The following HEXB variants were observed in gnomAD, a reference collection of about 807,000 sequenced individuals.
HEXB encodes the protein hexosaminidase subunit beta.
In HEXB, 51 loss-of-function variants were observed where a neutral mutation model predicts 71.2. The ratio of observed to expected loss-of-function variants is 0.72; its 90% CI spans 0.57 to 0.90. The LOEUF is 0.90. Among genes scored for constraint, HEXB ranks in the 40% least tolerant of loss-of-function variants. The pLI, the probability that HEXB is intolerant of heterozygous loss-of-function variation, is 0.00. For synonymous variants in HEXB, 266 were observed against 249.3 expected, an observed-to-expected ratio of 1.07 and a Z score of -0.63; for missense variants, 617 against 677.0, an observed-to-expected ratio of 0.91 and a Z score of 0.98.
At chr5:74,648,289 T>G (rs1748037736) in intron 1 of HEXB, among the ~76,000 whole-genome samples, 1 of 152,234 alleles carries the variant, frequency 6.6e-6, no homozygotes, top group African/African-American at 2.4e-5. Flanking sequence ...ATTAGATTAT[T>G]GTAAGAGATG....
At chr5:74,659,265 G>A (rs906635995) in intron 1 of HEXB, among the ~76,000 whole-genome samples, 1 of 152,112 alleles carries the variant, frequency 6.6e-6, no homozygotes, top group East Asian at 1.9e-4. Flanking sequence ...AGCGTTCATG[G>A]CAAAACTAAG....
chr5:74,695,237 T>C (rs1749087663), intron 3 of HEXB, among the ~76,000 whole-genome samples: 1 of 136,300 alleles, frequency 7.3e-6, no homozygotes, highest in South Asian at 2.7e-4. Context: ...AGAATCTTGC[T>C]CTGTTGCCCA....
chr5:74,665,784 G>A (rs820856), intron 1 of HEXB, among the ~76,000 whole-genome samples: 10 of 151,942 alleles, frequency 6.6e-5, no homozygotes. Flanking sequence ...CCAGTTCCCT[G>A]TGAGTGTCCA....
intron 1 of HEXB, among the ~76,000 whole-genome samples, chr5:74,674,005 C>T (rs1294141330): frequency 6.6e-6 from 1 of 151,964 alleles, no homozygotes; most frequent in East Asian, 1.9e-4. Context: ...GATGAACCAC[C>T]CAGAAACACC....
intron 6 of HEXB, among the ~76,000 whole-genome samples, chr5:74,710,028 A>G (rs1479857043): frequency 6.6e-6 from 1 of 152,156 alleles, no homozygotes; most frequent in East Asian, 1.9e-4. Context: ...CATTGATGCA[A>G]AAATCCTCAA....
chr5:74,717,867 A>G (rs1749715268), intron 9 of HEXB, among the ~76,000 whole-genome samples: 1 of 152,156 alleles, frequency 6.6e-6, no homozygotes, highest in African/African-American at 2.4e-5. Flanking sequence ...TTATGTAAAT[A>G]TCTGTAAATA....
At chr5:74,649,825 C>T (rs1353123190) in intron 1 of HEXB, among the ~76,000 whole-genome samples, 1 of 152,168 alleles carries the variant, frequency 6.6e-6, no homozygotes, top group East Asian at 1.9e-4. Flanking sequence ...ATTGTTACAT[C>T]AGTTCACAAG....
chr5:74,649,753 C>G lies in HEXB; in HGVS notation c.-377+9195C>G, dbSNP rs1474105541. ...TTTTAATCCACTTGTACTCTTTTAC[C>G]ATAGTTGATTGAATGTCTTACCAGA... On this transcript the variant is annotated intron_variant, in intron 1 of 13. Transcript: ENST00000511181. Among the ~76,000 whole-genome samples, 4 of 152,164 alleles carry G rather than the reference C, an allele frequency of 2.6e-5. No homozygotes were observed. In the East Asian group the frequency reaches 5.8e-4, roughly 22 times the overall value.
At chr5:74,710,239 C>T (rs978252578) in intron 6 of HEXB, among the ~76,000 whole-genome samples, 6 of 151,684 alleles carry the variant, frequency 4.0e-5, no homozygotes, top group African/African-American at 9.7e-5. Flanking sequence ...ATTCAACAAC[C>T]CTTCATGCTA....
intron 10 of HEXB, 23 bp downstream of exon 10, chr5:74,718,386 CTGATCAATA>C: frequency 6.6e-7 from 1 of 1,512,834 alleles, no homozygotes; most frequent in African/African-American, 1.4e-5. Context: ...AAGACTGCAT[CTGATCAATA>C]TAAGAGACTT....
intron 1 of HEXB, among the ~76,000 whole-genome samples, chr5:74,670,079 C>T (rs1033863349): frequency 6.6e-6 from 1 of 152,120 alleles, no homozygotes; most frequent in African/African-American, 2.4e-5. Context: ...ACTAGTCTTG[C>T]ATAAATCCAT....
intron 6 of HEXB, among the ~76,000 whole-genome samples, chr5:74,709,125 A>G (rs950316821): frequency 2.0e-5 from 3 of 152,256 alleles, no homozygotes; most frequent in Non-Finnish European, 2.9e-5. Context: ...GCTAGAACTC[A>G]GGATTAAGGA....
At chr5:74,699,296 CAG>C (rs1268060115) in intron 5 of HEXB, among the ~76,000 whole-genome samples, 1 of 146,966 alleles carries the variant, frequency 6.8e-6, no homozygotes, top group Middle Eastern at 3.3e-3. Flanking sequence ...TTTTGTGAGA[CAG>C]AGTCTCGCTG....
intron 1 of HEXB, among the ~76,000 whole-genome samples, chr5:74,653,653 T>A (rs546105194): frequency 6.6e-6 from 1 of 152,228 alleles, no homozygotes; most frequent in African/African-American, 2.4e-5. Context: ...GATGTCATAG[T>A]TACTTTTGGC....
chr5:74,642,817 G>T (rs1747929436), intron 1 of HEXB, among the ~76,000 whole-genome samples: 1 of 152,180 alleles, frequency 6.6e-6, no homozygotes, highest in Non-Finnish European at 1.5e-5. Context: ...TAAGCAGGCA[G>T]GGCTGAGAAA....
chr5:74,648,887 C>G (rs1748051361), intron 1 of HEXB, among the ~76,000 whole-genome samples: 2 of 152,260 alleles, frequency 1.3e-5, no homozygotes, highest in Non-Finnish European at 2.9e-5. Flanking sequence ...AACTGCCACC[C>G]TCAACAAAAC....
Position 74,685,295 on chromosome 5 carries a change from C to T in HEXB, c.35C>T (p.Pro12Leu). ...TGCGGGCTGGGGCTGCCCCGGCCGC[C>T]CATGCTGCTGGCGCTGCTGTTGGCG... ...ELCGLGLPRP[P>L]MLLALLLATL... The change falls in exon 1 of 14, where the codon CCC (proline) becomes CTC (leucine). Residue 12 changes from proline to leucine, a missense_variant. Pro to Leu is a moderately conservative substitution (Grantham distance 98). Transcript: ENST00000261416. The T allele has an allele frequency of 6.4e-7, 1 of 1,555,766 alleles. No homozygotes were observed. Among genetic ancestry groups the T allele is most frequent in the South Asian group, 1.2e-5 (1 of 85,484 alleles).
At chr5:74,655,807 G>GA (rs1194266179) in intron 1 of HEXB, among the ~76,000 whole-genome samples, 6 of 152,042 alleles carry the variant, frequency 3.9e-5, no homozygotes, top group Non-Finnish European at 8.8e-5. Context: ...TAGAATTTTA[G>GA]AAAAAATTAT....
rs754468217 is a variant in HEXB at position 74,718,337 on chromosome 5, C to T, written c.1216C>T (p.Gln406Ter). 1 of 1,611,800 alleles carries T rather than the reference C, an allele frequency of 6.2e-7. No homozygotes were observed. Among genetic ancestry groups the T allele is most frequent in the Non-Finnish European group, 8.5e-7 (1 of 1,178,000 alleles). ...CATAAACAAGGGATCCATTGTCTGG[C>T]AGGAGGTTTTTGATGATAAAGCAAA... ...ATINKGSIVW[Q>*]EVFDDKAKLA... The change falls in exon 10 of 14, where the codon CAG becomes TAG. Residue 406 changes from glutamine to a stop codon, truncating the protein, a stop_gained. Coordinates refer to ENST00000261416, the MANE Select transcript of HEXB (RefSeq NM_000521.4). LOFTEE classifies it high-confidence loss of function.
Sources: gnomAD v4.1 joint callset for allele counts (sites outside exome capture counted in the v4.1 genomes callset) on GRCh38, gnomAD v4.1.1 for gene constraint, MANE v1.5 for transcripts, NCBI Gene and HGNC (gene_info 2026-07-23, HGNC 2026-07-21) for gene names.